Variants in KCNB2 observed in about 807,000 individuals in gnomAD.
The protein encoded by KCNB2 is potassium voltage-gated channel subfamily B member 2.
A neutral mutation model predicts 61.5 loss-of-function variants in KCNB2; 15 were observed. That is an observed-to-expected ratio of 0.24 (90% CI 0.16 to 0.38). KCNB2 has a LOEUF of 0.38. Ranked by LOEUF, KCNB2 falls within the 10% of genes least tolerant of loss-of-function variation. KCNB2 has a pLI of 1.00. For missense variants in KCNB2, 828 were observed against 1,125.2 expected, an observed-to-expected ratio of 0.74 and a Z score of 3.78; for synonymous variants, 457 against 446.0, an observed-to-expected ratio of 1.02 and a Z score of -0.31.
At chr8:72,741,855 A>G (rs1490796025) in intron 2 of KCNB2, among the ~76,000 whole-genome samples, 1 of 152,210 alleles carries the variant, frequency 6.6e-6, no homozygotes, top group East Asian at 1.9e-4. Context: ...GTTGGTATGG[A>G]TGTGGTGAAA....
chr8:72,926,847 T>A (rs1806659479), intron 2 of KCNB2, among the ~76,000 whole-genome samples: 1 of 152,212 alleles, frequency 6.6e-6, no homozygotes, highest in South Asian at 2.1e-4. Context: ...TATCTTCAGC[T>A]GCACCCTGCG....
At chr8:72,748,767 C>T (rs1808129544) in intron 2 of KCNB2, among the ~76,000 whole-genome samples, 1 of 151,670 alleles carries the variant, frequency 6.6e-6, no homozygotes. Flanking sequence ...TTATTGTGTA[C>T]ATGATGTTTT....
At chr8:72,564,802 CAG>C (rs1378421576) in intron 1 of KCNB2, among the ~76,000 whole-genome samples, 1 of 152,054 alleles carries the variant, frequency 6.6e-6, no homozygotes, top group African/African-American at 2.4e-5. Flanking sequence ...ATGGGAAAGA[CAG>C]AACATATATG....
intron 2 of KCNB2, among the ~76,000 whole-genome samples, chr8:72,699,264 G>C (rs1308397875): frequency 6.6e-6 from 1 of 151,522 alleles, no homozygotes. Context: ...ACTGTTTCTT[G>C]ACTTTTTTAA....
chr8:72,856,274 T>C (rs1412379387), intron 2 of KCNB2, among the ~76,000 whole-genome samples: 2 of 152,150 alleles, frequency 1.3e-5, no homozygotes, highest in Admixed American at 6.5e-5. Context: ...AATATATACA[T>C]TTTTATACTA....
chr8:72,608,052 G>C (rs949010207), intron 2 of KCNB2, among the ~76,000 whole-genome samples: 7 of 152,104 alleles, frequency 4.6e-5, no homozygotes, highest in African/African-American at 1.7e-4. Context: ...ATTCTCATGG[G>C]GGCAAGGGTT....
intron 2 of KCNB2, among the ~76,000 whole-genome samples, chr8:72,762,996 A>C (rs1808406851): frequency 6.7e-6 from 1 of 150,188 alleles, no homozygotes; most frequent in African/African-American, 2.4e-5. Context: ...TATAGGCAGA[A>C]AAATCCTTTC....
chr8:72,839,848 C>T (rs1342527358), intron 2 of KCNB2, among the ~76,000 whole-genome samples: 1 of 151,744 alleles, frequency 6.6e-6, no homozygotes, highest in Non-Finnish European at 1.5e-5. Flanking sequence ...CTCCTGACCT[C>T]GTGATCCACC....
chr8:72,695,370 T>C (rs1423938716), intron 2 of KCNB2, among the ~76,000 whole-genome samples: 1 of 152,148 alleles, frequency 6.6e-6, no homozygotes, highest in Non-Finnish European at 1.5e-5. Flanking sequence ...GTAATTTTCT[T>C]CTCCTGTTTT....
intron 2 of KCNB2, among the ~76,000 whole-genome samples, chr8:72,831,113 G>A (rs4571768): frequency 0.52 from 78,333 of 152,082 alleles, 20,772 homozygotes; most frequent in Non-Finnish European, 0.58. Context: ...CTCATGCCGT[G>A]GGTAGTCATG....
chr8:72,779,295 G>A (rs1000834231), intron 2 of KCNB2, among the ~76,000 whole-genome samples: 2 of 152,190 alleles, frequency 1.3e-5, no homozygotes, highest in African/African-American at 4.8e-5. Context: ...GAAGGCATTG[G>A]TCTCTCTTCA....
intron 2 of KCNB2, among the ~76,000 whole-genome samples, chr8:72,788,926 A>C (rs1450436665): frequency 1.3e-5 from 2 of 152,100 alleles, no homozygotes; most frequent in African/African-American, 4.8e-5. Context: ...GAGCAAAAAC[A>C]AGCTTATTCT....
chr8:72,559,673 CG>C (rs918107080), intron 1 of KCNB2, among the ~76,000 whole-genome samples: 4 of 152,286 alleles, frequency 2.6e-5, no homozygotes, highest in African/African-American at 7.2e-5. Flanking sequence ...TGCCTGACTG[CG>C]GCCATTACCC....
intron 2 of KCNB2, among the ~76,000 whole-genome samples, chr8:72,831,267 A>G (rs115275015): frequency 0.011 from 1,710 of 152,364 alleles, 36 homozygotes; most frequent in African/African-American, 0.039. Context: ...TATTATAATT[A>G]TGTTATTTAA....
At chr8:72,870,861 C>A (rs1271804594) in intron 2 of KCNB2, among the ~76,000 whole-genome samples, 3 of 152,150 alleles carry the variant, frequency 2.0e-5, no homozygotes, top group African/African-American at 7.2e-5. Flanking sequence ...CCTGTGGTCC[C>A]AGCTACTCAG....
intron 1 of KCNB2, among the ~76,000 whole-genome samples, chr8:72,555,627 A>G (rs577564141): frequency 6.6e-6 from 1 of 151,332 alleles, no homozygotes; most frequent in East Asian, 1.9e-4. Flanking sequence ...AAAACCCATA[A>G]CAATATTAAA....
chr8:72,899,627 A>G (rs1056369466), intron 2 of KCNB2, among the ~76,000 whole-genome samples: 34 of 152,056 alleles, frequency 2.2e-4, no homozygotes, highest in Admixed American at 7.2e-4. Context: ...CCCATTTACA[A>G]TAGCCACAAA....
chr8:72,937,275 A>G lies in KCNB2; in HGVS notation c.1920A>G (p.Thr640=), dbSNP rs372843947. The part of the protein sequence containing the change: ...QMKFPTDLPG[T]EEHQRARGPP... Reference sequence around the variant, plus strand: ...AGTTCCCAACCGACCTCCCAGGGACAGAAGAGCACCAAAGAGCTAGGGGCC... The same window carrying G: ...AGTTCCCAACCGACCTCCCAGGGACGGAAGAGCACCAAAGAGCTAGGGGCC... The change falls in exon 3 of 3, where the codon ACA becomes ACG. Residue 640 remains threonine (T), a synonymous_variant. Transcript: ENST00000523207. 43 of 1,613,920 alleles carry G rather than the reference A, an allele frequency of 2.7e-5. No individual in the cohort carries two copies. The highest frequency in any genetic ancestry group is 3.1e-5 in the Non-Finnish European group (37 of 1,180,004).
At chr8:72,832,774 C>T (rs1304378480) in intron 2 of KCNB2, among the ~76,000 whole-genome samples, 1 of 152,162 alleles carries the variant, frequency 6.6e-6, no homozygotes, top group Non-Finnish European at 1.5e-5. Flanking sequence ...TGTCCCCGTC[C>T]CACAGGGCAA....
Sources: gnomAD v4.1 joint callset for allele counts (sites outside exome capture counted in the v4.1 genomes callset) on GRCh38, gnomAD v4.1.1 for gene constraint, MANE v1.5 for transcripts, NCBI Gene and HGNC (gene_info 2026-07-23, HGNC 2026-07-21) for gene names.